The following LRRTM4 variants were observed in gnomAD, a reference collection of about 807,000 sequenced individuals.
LRRTM4 encodes the protein leucine rich repeat transmembrane neuronal 4, also known as leucine-rich repeat transmembrane neuronal protein 4.
Under a neutral mutation model 47.6 loss-of-function variants are expected in LRRTM4, and 25 were observed. The ratio of observed to expected loss-of-function variants is 0.53; its 90% CI spans 0.38 to 0.73. LRRTM4 has a LOEUF of 0.73. LRRTM4 is among the 30% of genes least tolerant of loss of function. The pLI, the probability that LRRTM4 is intolerant of heterozygous loss-of-function variation, is 0.00. For missense variants in LRRTM4, 638 were observed against 713.4 expected, an observed-to-expected ratio of 0.89 and a Z score of 1.20; for synonymous variants, 311 against 269.5, an observed-to-expected ratio of 1.15 and a Z score of -1.51.
chr2:76,793,691 G>T (rs547752474), intron 3 of LRRTM4, among the ~76,000 whole-genome samples: 12 of 152,238 alleles, frequency 7.9e-5, no homozygotes, highest in African/African-American at 2.9e-4. Flanking sequence ...TTCACAGGTT[G>T]CCAGCCTTTG....
chr2:77,171,730 T>C (rs2103835417), intron 3 of LRRTM4, among the ~76,000 whole-genome samples: 1 of 152,120 alleles, frequency 6.6e-6, no homozygotes, highest in South Asian at 2.1e-4. Context: ...AAGATAATTG[T>C]CTAAGTTAGT....
intron 3 of LRRTM4, among the ~76,000 whole-genome samples, chr2:76,976,412 TA>T (rs904837017): frequency 5.9e-5 from 9 of 151,404 alleles, no homozygotes; most frequent in South Asian, 2.1e-4. Context: ...AACATTTCAT[TA>T]AAAAAAATAA....
chr2:77,099,991 T>G (rs2103908287), intron 3 of LRRTM4, among the ~76,000 whole-genome samples: 2 of 152,248 alleles, frequency 1.3e-5, no homozygotes, highest in Middle Eastern at 3.4e-3. Flanking sequence ...CAGAATTCTT[T>G]TCTACAAATT....
chr2:76,775,659 T>G lies in LRRTM4; in HGVS notation c.1552-26743A>C, dbSNP rs138435427. Among the ~76,000 whole-genome samples the G allele has an allele frequency of 7.0e-4, 106 of 152,266 alleles. 1 individual carries two copies. In the East Asian group the frequency reaches 0.018, roughly 26 times the overall value. ...TTAGCAGCTTTATAGATAAGTGCAGTCCTGGTCATAAATCTGACTACATTT... is the reference window on the plus strand; with the variant it reads ...TTAGCAGCTTTATAGATAAGTGCAGGCCTGGTCATAAATCTGACTACATTT... On this transcript the variant is annotated intron_variant, in intron 3 of 3. Transcript: ENST00000409884.
At chr2:77,005,881 C>T (rs1677624080) in intron 3 of LRRTM4, among the ~76,000 whole-genome samples, 1 of 152,130 alleles carries the variant, frequency 6.6e-6, no homozygotes, top group Non-Finnish European at 1.5e-5. Flanking sequence ...CAAATATTAG[C>T]TTATTTATTA....
intron 3 of LRRTM4, among the ~76,000 whole-genome samples, chr2:77,244,368 C>A (rs1573132340): frequency 6.6e-6 from 1 of 151,884 alleles, no homozygotes; most frequent in Non-Finnish European, 1.5e-5. Flanking sequence ...AATGGTTGAA[C>A]TAGTTTACAG....
At chr2:77,054,074 AGTTTCAAGATATT>A (rs1318855080) in intron 3 of LRRTM4, among the ~76,000 whole-genome samples, 19 of 152,026 alleles carry the variant, frequency 1.2e-4, no homozygotes, top group African/African-American at 4.4e-4. Context: ...AATAGTCTCT[AGTTTCAAGATATT>A]GTCTCAGATT....
intron 3 of LRRTM4, among the ~76,000 whole-genome samples, chr2:77,400,100 C>T (rs1471813155): frequency 1.3e-5 from 2 of 152,016 alleles, no homozygotes; most frequent in African/African-American, 4.8e-5. Context: ...CTATTCTACT[C>T]ACTGCTTCTA....
intron 3 of LRRTM4, among the ~76,000 whole-genome samples, chr2:76,893,095 C>A (rs905472087): frequency 3.4e-5 from 5 of 148,722 alleles, no homozygotes; most frequent in Admixed American, 1.3e-4. Context: ...TTAAAGGAAA[C>A]CTGACCACGT....
At chr2:77,175,338 C>A (rs149796426) in intron 3 of LRRTM4, among the ~76,000 whole-genome samples, 1 of 152,150 alleles carries the variant, frequency 6.6e-6, no homozygotes, top group African/African-American at 2.4e-5. Context: ...CCCCTCGTGG[C>A]CTTTGGAACT....
chr2:76,837,757 C>T (rs1037061652), intron 3 of LRRTM4, among the ~76,000 whole-genome samples: 16 of 152,032 alleles, frequency 1.1e-4, no homozygotes, highest in Non-Finnish European at 1.8e-4. Flanking sequence ...TATGCAGCCA[C>T]AAAAAATTAT....
At chr2:76,972,602 TAG>T (rs1676260313) in intron 3 of LRRTM4, among the ~76,000 whole-genome samples, 2 of 151,858 alleles carry the variant, frequency 1.3e-5, no homozygotes, top group Admixed American at 6.6e-5. Flanking sequence ...GTATTTTTAG[TAG>T]AGATGGTTTT....
At chr2:77,496,796 C>T (rs2104063536) in intron 3 of LRRTM4, among the ~76,000 whole-genome samples, 1 of 151,570 alleles carries the variant, frequency 6.6e-6, no homozygotes. Context: ...GTAGTGATGG[C>T]CTTCTTGAAT....
intron 3 of LRRTM4, among the ~76,000 whole-genome samples, chr2:76,917,929 C>G (rs1674308844): frequency 6.6e-6 from 1 of 152,034 alleles, no homozygotes; most frequent in African/African-American, 2.4e-5. Flanking sequence ...TATGGGTATG[C>G]TAGGAAGAGA....
intron 3 of LRRTM4, among the ~76,000 whole-genome samples, chr2:77,308,926 A>C (rs1233102194): frequency 6.6e-6 from 1 of 152,160 alleles, no homozygotes; most frequent in African/African-American, 2.4e-5. Context: ...AAACAACAAA[A>C]ACAAAAACAC....
At chr2:76,963,118 A>G (rs993558926) in intron 3 of LRRTM4, among the ~76,000 whole-genome samples, 1 of 151,004 alleles carries the variant, frequency 6.6e-6, no homozygotes, top group Non-Finnish European at 1.5e-5. Flanking sequence ...TGATCAATAA[A>G]TGAAAATTTT....
chr2:77,223,160 G>A (rs1033216465), intron 3 of LRRTM4, among the ~76,000 whole-genome samples: 2 of 151,982 alleles, frequency 1.3e-5, no homozygotes, highest in Non-Finnish European at 2.9e-5. Context: ...ATTCAACAAC[G>A]CTTCATGCTA....
chr2:76,827,472 G>A (rs1334464883), intron 3 of LRRTM4, among the ~76,000 whole-genome samples: 2 of 151,774 alleles, frequency 1.3e-5, no homozygotes, highest in Non-Finnish European at 2.9e-5. Flanking sequence ...ACTGTTTCCT[G>A]TGAATGCAAC....
chr2:77,512,898 A>G (rs563096590), intron 3 of LRRTM4, among the ~76,000 whole-genome samples: 119 of 152,230 alleles, frequency 7.8e-4, no homozygotes, highest in African/African-American at 2.7e-3. Flanking sequence ...TTCTAGAAAA[A>G]GAAAAGGGCC....
Sources: allele counts gnomAD v4.1 joint callset (sites outside exome capture counted in the v4.1 genomes callset), GRCh38; gene constraint gnomAD v4.1.1; transcripts MANE v1.5; gene names NCBI Gene and HGNC (gene_info 2026-07-23, HGNC 2026-07-21).